Variants in NTN1 observed in about 807,000 individuals in gnomAD.
NTN1 encodes netrin 1, also known as netrin-1.
Under a neutral mutation model 54.2 loss-of-function variants are expected in NTN1, and 11 were observed. The observed-to-expected ratio is 0.20, with a 90% CI of 0.13 to 0.34. NTN1 has a LOEUF of 0.34. Among genes scored for constraint, NTN1 ranks in the 10% least tolerant of loss-of-function variants. The pLI is 1.00. For synonymous variants in NTN1, 371 were observed against 382.0 expected (o/e 0.97, Z 0.33); for missense variants, 740 against 893.1 (o/e 0.83, Z 2.18).
At chr17:9,183,895 A>G (rs938142402) in intron 5 of NTN1, among the ~76,000 whole-genome samples, 1 of 152,196 alleles carries the variant, frequency 6.6e-6, no homozygotes, top group Admixed American at 6.5e-5. Flanking sequence ...AGAGCATCTC[A>G]GGCCTGCACC....
chr17:9,020,867 A>G (rs1597460004), upstream of NTN1, among the ~76,000 whole-genome samples: 1 of 152,166 alleles, frequency 6.6e-6, no homozygotes, highest in South Asian at 2.1e-4. Flanking sequence ...CGCGTTCCCG[A>G]CAGACAGGCT....
chr17:9,242,823 C>CA lies in NTN1; in HGVS notation c.*2856dup, dbSNP rs1192125681. ...CAGCCCCGGCCTCTGCGGTGAGCACCATCCTTGGGAAAGCACCCCTCCTCC... is the reference window on the plus strand; with the variant it reads ...CAGCCCCGGCCTCTGCGGTGAGCACCAATCCTTGGGAAAGCACCCCTCCTCC... On this transcript the variant is annotated 3_prime_UTR_variant, in exon 7 of 7. Transcript: ENST00000173229. 2 of 152,500 alleles carry CA rather than the reference C, an allele frequency of 1.3e-5. No individual in the cohort carries two copies. The highest frequency in any genetic ancestry group is 4.8e-5 in the African/African-American group (2 of 41,468). The allele number at this position is 152,500 out of a possible 1,614,324, so 9.4% of individuals were successfully genotyped here.
At chr17:9,042,975 G>A (rs2151513735) in intron 2 of NTN1, among the ~76,000 whole-genome samples, 1 of 152,270 alleles carries the variant, frequency 6.6e-6, no homozygotes, top group Non-Finnish European at 1.5e-5. Context: ...TCTGAGCCCT[G>A]TGTCATTTTT....
At chr17:9,236,070 A>G (rs559845809) in intron 6 of NTN1, among the ~76,000 whole-genome samples, 1 of 149,542 alleles carries the variant, frequency 6.7e-6, no homozygotes, top group Non-Finnish European at 1.5e-5. Flanking sequence ...CATGTCCCAA[A>G]GACCCTACTT....
Position 9,179,904 on chromosome 17 carries a change from C to T in NTN1, c.1305C>T (p.Asn435=). Residue 435 remains asparagine, a synonymous_variant, in exon 4 of 7, where the codon AAC becomes AAT. Transcript: ENST00000173229. ...CKDGVTGITC[N]RCAKGYQQSR... is the part of the protein sequence containing the mutation. ...ACGGCGTGACGGGTATCACCTGCAA[C>T]CGCTGCGCCAAAGGCTACCAGCAGA... 1 of 1,614,086 alleles carries T rather than the reference C, an allele frequency of 6.2e-7. No homozygotes were observed. Among genetic ancestry groups the T allele is most frequent in the Non-Finnish European group, 8.5e-7 (1 of 1,180,018 alleles).
At chr17:9,222,259 A>G (rs1905384471) in intron 6 of NTN1, among the ~76,000 whole-genome samples, 1 of 152,200 alleles carries the variant, frequency 6.6e-6, no homozygotes, top group African/African-American at 2.4e-5. Context: ...CCAGCTGGAC[A>G]TAGCCCATCT....
chr17:9,034,736 G>A (rs1420216682), intron 2 of NTN1, among the ~76,000 whole-genome samples: 4 of 151,750 alleles, frequency 2.6e-5, no homozygotes, highest in African/African-American at 9.7e-5. Flanking sequence ...TTATTCTTAA[G>A]TAAACTTCTT....
At chr17:9,055,800 C>T (rs2091977484) in intron 2 of NTN1, among the ~76,000 whole-genome samples, 2 of 152,322 alleles carry the variant, frequency 1.3e-5, no homozygotes, top group South Asian at 2.1e-4. Context: ...TGGCTCACTG[C>T]AGCCTCAACC....
intron 3 of NTN1, among the ~76,000 whole-genome samples, chr17:9,166,340 CTTT>C (rs34345156): frequency 2.7e-5 from 3 of 113,046 alleles, no homozygotes; most frequent in South Asian, 3.0e-4. Context: ...CAGGCTCTGG[CTTT>C]TTTTTTTTTT....
chr17:9,236,126 G>GC (rs1182917290), intron 6 of NTN1, among the ~76,000 whole-genome samples: 1 of 92,418 alleles, frequency 1.1e-5, no homozygotes. Context: ...TAAGAATTTG[G>GC]GGGGGGGGGT....
At chr17:9,046,410 ATGGAG>A (rs966509775) in intron 2 of NTN1, among the ~76,000 whole-genome samples, 5 of 152,242 alleles carry the variant, frequency 3.3e-5, no homozygotes, top group African/African-American at 4.8e-5. Context: ...TGGTAAGGCC[ATGGAG>A]AAATTGAAAC....
rs2092206108 is a variant in NTN1 at position 9,115,024 on chromosome 17, G to A, written c.1019-47789G>A. ...CTGCATTTTTCTTGGGTGGATGAGTGGTAGGCTTGGAAGATGGGGCAGGAT... is the reference window on the plus strand; with the variant it reads ...CTGCATTTTTCTTGGGTGGATGAGTAGTAGGCTTGGAAGATGGGGCAGGAT... On this transcript the variant is annotated intron_variant, in intron 2 of 6. Transcript: ENST00000173229. Among the ~76,000 whole-genome samples the A allele has an allele frequency of 2.0e-5, 3 of 152,304 alleles. No individual in the cohort carries two copies. The South Asian group carries it at 6.2e-4, about 32-fold the overall frequency.
chr17:9,169,735 CAT>C (rs2092382308), intron 3 of NTN1, among the ~76,000 whole-genome samples: 1 of 152,216 alleles, frequency 6.6e-6, no homozygotes, highest in African/African-American at 2.4e-5. Flanking sequence ...TGTGGTGGCG[CAT>C]GCCTGTAATC....
chr17:9,022,689 G>A lies in NTN1; in HGVS notation c.316G>A (p.Ala106Thr), dbSNP rs867295954. 5.7e-6 allele frequency: 9 copies of A among 1,590,392 alleles called. No homozygotes were observed. The highest frequency in any genetic ancestry group is 6.8e-6 in the Non-Finnish European group (8 of 1,169,816). Residue 106 changes from alanine to threonine, a missense_variant, in exon 2 of 7, where the codon GCC becomes ACC. Ala to Thr is a moderately conservative substitution (Grantham distance 58). Transcript: ENST00000173229. ...ASDPKKAHPP[A>T]FLTDLNNPHN... ...CGACCCCAAGAAGGCGCACCCGCCCGCCTTCCTCACCGACCTCAACAACCC... is the reference window on the plus strand; with the variant it reads ...CGACCCCAAGAAGGCGCACCCGCCCACCTTCCTCACCGACCTCAACAACCC...
intron 3 of NTN1, among the ~76,000 whole-genome samples, chr17:9,172,483 A>T (rs910947696): frequency 1.3e-5 from 2 of 151,940 alleles, no homozygotes; most frequent in African/African-American, 4.8e-5. Flanking sequence ...CGTCTCAAAA[A>T]AAGAGAAGCT....
At position 9,234,751 on chromosome 17, in the gene NTN1, C is replaced by T. The variant is rs142199822; in HGVS notation, c.1487-4889C>T. ...TGAGCTGTGGACTCTGGGACGCAGC[C>T]GTTGAGCACTTATGATAAAACCAGA... On this transcript the variant is annotated intron_variant, in intron 6 of 6. Coordinates refer to ENST00000173229, the MANE Select transcript of NTN1 (RefSeq NM_004822.3). 5.4e-4 allele frequency among the ~76,000 whole-genome samples: 83 copies of T among 152,296 alleles called. 1 individual carries two copies. In the East Asian group the frequency reaches 0.015, roughly 28 times the overall value.
chr17:9,182,963 C>A lies in NTN1; in HGVS notation c.1405C>A (p.Pro469Thr). The change falls in exon 5 of 7, where the codon CCT (proline) becomes ACT (threonine). Residue 469 changes from proline to threonine, a missense_variant. By Grantham distance (38) the Pro-to-Thr change is conservative (BLOSUM62 -1). Transcript: ENST00000173229. The stretch of plus-strand genomic sequence containing the variant: ...GACTGCAGCCAGCAGCGTGGAGGAG[C>A]CTGAAGGTAAACGGCCCCCTTCGCT... ...PTTAASSVEE[P>T]EDCDSYCKAS... 5.6e-6 allele frequency: 9 copies of A among 1,613,912 alleles called. No individual in the cohort carries two copies. The highest frequency in any genetic ancestry group is 7.6e-6 in the Non-Finnish European group (9 of 1,179,960).
chr17:9,196,288 G>C (rs1275436767), intron 5 of NTN1, among the ~76,000 whole-genome samples: 1 of 152,230 alleles, frequency 6.6e-6, no homozygotes, highest in East Asian at 1.9e-4. Flanking sequence ...GGGTAGGAAA[G>C]AAAAGAGGAG....
chr17:9,084,608 C>T (rs1034669068), intron 2 of NTN1, among the ~76,000 whole-genome samples: 1 of 151,138 alleles, frequency 6.6e-6, no homozygotes, highest in South Asian at 2.1e-4. Flanking sequence ...CCACAGCCTT[C>T]CTGTGGGCCT....
Sources: allele counts gnomAD v4.1 joint callset (sites outside exome capture counted in the v4.1 genomes callset), GRCh38; gene constraint gnomAD v4.1.1; transcripts MANE v1.5; gene names NCBI Gene and HGNC (gene_info 2026-07-23, HGNC 2026-07-21).